The following CAMK1D variants were observed in gnomAD, a reference collection of about 807,000 sequenced individuals.
CAMK1D encodes the protein calcium/calmodulin dependent protein kinase ID.
Under a neutral mutation model 47.7 loss-of-function variants are expected in CAMK1D, and 9 were observed. The observed-to-expected ratio is 0.19, with a 90% CI of 0.11 to 0.33. CAMK1D has a LOEUF of 0.33. Ranked by LOEUF, CAMK1D falls within the 10% of genes least tolerant of loss-of-function variation. The probability of loss-of-function intolerance (pLI) is 1.00; values close to 1 mark genes in which losing one functional copy is unlikely to be tolerated. For missense variants in CAMK1D, 291 were observed against 488.7 expected (o/e 0.60, Z 3.81); for synonymous variants, 184 against 184.9 (o/e 0.99, Z 0.04).
intron 3 of CAMK1D, among the ~76,000 whole-genome samples, chr10:12,734,348 ATATATATATAT>A (rs1835043998): frequency 7.5e-4 from 4 of 5,324 alleles, no homozygotes; most frequent in Non-Finnish European, 1.4e-3. Context: ...AAAAAAAAAT[ATATATATATAT>A]ATATATATAT....
rs193080947 is a variant in CAMK1D, at chr10:12,719,296, A to G, written c.300-41652A>G. Among the ~76,000 whole-genome samples, 1,226 of 151,752 alleles carry G rather than the reference A, an allele frequency of 8.1e-3. 7 individuals are homozygous for G. The highest frequency in any genetic ancestry group is 0.012 in the Non-Finnish European group (791 of 67,908). Reference sequence around the variant, plus strand: ...ATGGTGCATGCCTGTAATCCCAGCTACTTGGGAGGCTGAGGCAGGAGGATC... The same window carrying G: ...ATGGTGCATGCCTGTAATCCCAGCTGCTTGGGAGGCTGAGGCAGGAGGATC... On this transcript the variant is annotated intron_variant, in intron 3 of 10. Coordinates refer to ENST00000619168, the MANE Select transcript of CAMK1D (RefSeq NM_153498.4).
intron 3 of CAMK1D, among the ~76,000 whole-genome samples, chr10:12,747,373 A>G (rs891142033): frequency 2.0e-5 from 3 of 152,176 alleles, no homozygotes; most frequent in African/African-American, 7.2e-5. Flanking sequence ...TGCTGCAATC[A>G]TAGCTCATTG....
In CAMK1D at chr10:12,435,301, C is replaced by G. The variant is rs140820653; in HGVS notation, c.92+85391C>G. On this transcript the variant is annotated intron_variant, in intron 1 of 10. Coordinates refer to ENST00000619168, the MANE Select transcript of CAMK1D (RefSeq NM_153498.4). ...TGCAGTCCCTGAACAAGAAGCCCCA[C>G]TGACACTGATGGATCCGCCCTAGGT... 7.3e-3 allele frequency among the ~76,000 whole-genome samples: 1,106 copies of G among 151,574 alleles called. 10 individuals carry two copies. Among genetic ancestry groups the G allele is most frequent in the Non-Finnish European group, 0.012 (835 of 67,886 alleles).
In CAMK1D at chr10:12,462,089, T is replaced by A. The variant is rs549065258; in HGVS notation, c.93-91136T>A. 1.5e-4 allele frequency among the ~76,000 whole-genome samples: 23 copies of A among 152,068 alleles called. No homozygotes were observed. In the South Asian group the frequency reaches 2.5e-3, roughly 16 times the overall value. On this transcript the variant is annotated intron_variant, in intron 1 of 10. Transcript: ENST00000619168. ...TGTTCTGTCGAAGTCCAAATTCTGTTAATTTTATGAAAATTCACTTATTTT... is the reference window on the plus strand; with the variant it reads ...TGTTCTGTCGAAGTCCAAATTCTGTAAATTTTATGAAAATTCACTTATTTT...
At chr10:12,474,779 G>A (rs564586344) in intron 1 of CAMK1D, among the ~76,000 whole-genome samples, 2 of 151,650 alleles carry the variant, frequency 1.3e-5, no homozygotes, top group East Asian at 1.9e-4. Context: ...CCCAGTATCC[G>A]TTGTTCCCCT....
chr10:12,498,384 C>G (rs573704161), intron 1 of CAMK1D, among the ~76,000 whole-genome samples: 1 of 152,246 alleles, frequency 6.6e-6, no homozygotes, highest in South Asian at 2.1e-4. Flanking sequence ...CATCTGGCAC[C>G]AGGAGAACAA....
intron 2 of CAMK1D, among the ~76,000 whole-genome samples, chr10:12,572,100 A>G (rs1212291824): frequency 6.7e-6 from 1 of 149,310 alleles, no homozygotes; most frequent in Non-Finnish European, 1.5e-5. Flanking sequence ...ATTGGTACCA[A>G]ATTTTCAGTT....
intron 1 of CAMK1D, among the ~76,000 whole-genome samples, chr10:12,507,249 CAA>C (rs1319426882): frequency 1.3e-5 from 2 of 152,188 alleles, no homozygotes; most frequent in Non-Finnish European, 2.9e-5. Flanking sequence ...TGGAGAAACA[CAA>C]AGAGGCTAAA....
chr10:12,404,440 G>A (rs1313971961), intron 1 of CAMK1D, among the ~76,000 whole-genome samples: 1 of 152,184 alleles, frequency 6.6e-6, no homozygotes, highest in Non-Finnish European at 1.5e-5. Flanking sequence ...ATATACAGTT[G>A]TGTCTAATTC....
rs3061400 is a variant in CAMK1D at position 12,406,722 on chromosome 10, C to CAAAAAAAAAAAA, written c.92+56831_92+56842dup. Among the ~76,000 whole-genome samples the CAAAAAAAAAAAA allele has an allele frequency of 6.2e-4, 43 of 69,242 alleles. 1 individual carries two copies. The highest frequency in any genetic ancestry group is 2.6e-3 in the African/African-American group (37 of 14,390). 45.4% of individuals were successfully genotyped at this position (69,242 alleles called of 152,430 possible). A position where few individuals can be genotyped will look rare whatever the true frequency, so the allele number is the denominator to read the frequency against. On this transcript the variant is annotated intron_variant, in intron 1 of 10. Coordinates refer to ENST00000619168, the MANE Select transcript of CAMK1D (RefSeq NM_153498.4). Reference sequence around the variant, plus strand: ...TGGGTGACAAAATGAGACCCTGTCTCAAAAAAAAAAAAAAAAAAAAAAAAA... The same window carrying CAAAAAAAAAAAA: ...TGGGTGACAAAATGAGACCCTGTCTCAAAAAAAAAAAAAAAAAAAAAAAAAAAAAAAAAAAAA...
chr10:12,603,117 G>A (rs1484945875), intron 2 of CAMK1D, among the ~76,000 whole-genome samples: 1 of 151,926 alleles, frequency 6.6e-6, no homozygotes, highest in African/African-American at 2.4e-5. Flanking sequence ...CGCCATGTTG[G>A]CCAGGCTGGT....
chr10:12,461,049 A>G (rs144989388), intron 1 of CAMK1D, among the ~76,000 whole-genome samples: 6 of 152,288 alleles, frequency 3.9e-5, no homozygotes, highest in Non-Finnish European at 7.4e-5. Flanking sequence ...TGCCTCCTCA[A>G]TTCACCTTAC....
intron 1 of CAMK1D, among the ~76,000 whole-genome samples, chr10:12,431,665 G>A (rs1329314259): frequency 1.3e-5 from 2 of 152,172 alleles, no homozygotes; most frequent in African/African-American, 4.8e-5. Context: ...CCAGAGCTGG[G>A]GGCGTCCGTT....
intron 6 of CAMK1D, among the ~76,000 whole-genome samples, chr10:12,808,235 C>T (rs575418097): frequency 6.6e-6 from 1 of 152,336 alleles, no homozygotes; most frequent in Admixed American, 6.5e-5. Context: ...GGAATAGCCT[C>T]TGCAGATTTC....
At chr10:12,532,512 C>A (rs1835841957) in intron 1 of CAMK1D, among the ~76,000 whole-genome samples, 1 of 152,192 alleles carries the variant, frequency 6.6e-6, no homozygotes, top group Admixed American at 6.5e-5. Flanking sequence ...ATCTCCTGAC[C>A]TCGTGATCCG....
intron 3 of CAMK1D, among the ~76,000 whole-genome samples, chr10:12,683,741 GGTGTGTGTGTGT>G (rs10554443): frequency 7.4e-4 from 108 of 144,980 alleles, no homozygotes; most frequent in South Asian, 6.0e-3. Context: ...TAGGAATCCA[GGTGTGTGTGTGT>G]GTGTGTGTGT....
At chr10:12,545,005 C>G (rs1333460069) in intron 1 of CAMK1D, among the ~76,000 whole-genome samples, 1 of 152,044 alleles carries the variant, frequency 6.6e-6, no homozygotes, top group Admixed American at 6.5e-5. Context: ...GGAGAGCCCC[C>G]AATAATGGTG....
At chr10:12,812,837 GAGT>G (rs1832660395) in intron 6 of CAMK1D, among the ~76,000 whole-genome samples, 1 of 152,110 alleles carries the variant, frequency 6.6e-6, no homozygotes, top group Non-Finnish European at 1.5e-5. Flanking sequence ...GTCTTTTCCT[GAGT>G]GTTTTAGCCA....
At chr10:12,827,466 C>T (rs1202464929) in intron 10 of CAMK1D, among the ~76,000 whole-genome samples, 1 of 11,548 alleles carries the variant, frequency 8.7e-5, no homozygotes, top group African/African-American at 2.4e-4. Flanking sequence ...CTTTCTTTGT[C>T]TGTCTGTCTT....
Sources: allele counts gnomAD v4.1 joint callset (sites outside exome capture counted in the v4.1 genomes callset), GRCh38; gene constraint gnomAD v4.1.1; transcripts MANE v1.5; gene names NCBI Gene and HGNC (gene_info 2026-07-23, HGNC 2026-07-21).